Variants in BRINP1 observed in about 807,000 individuals in gnomAD.
BRINP1 encodes the protein BMP/retinoic acid inducible neural specific 1, also known as BMP/retinoic acid-inducible neural-specific protein 1.
A neutral mutation model predicts 72.9 loss-of-function variants in BRINP1; 17 were observed. The ratio of observed to expected loss-of-function variants is 0.23; its 90% CI spans 0.16 to 0.35. The LOEUF (loss-of-function observed/expected upper bound fraction) is 0.35. Among genes scored for constraint, BRINP1 ranks in the 10% least tolerant of loss-of-function variants. The pLI is 1.00. For synonymous variants in BRINP1, 418 were observed against 378.5 expected (o/e 1.10, Z -1.21); for missense variants, 850 against 1,001.6 (o/e 0.85, Z 2.04).
chr9:119,171,725 G>T (rs1477169089), intron 7 of BRINP1, among the ~76,000 whole-genome samples: 6 of 112,860 alleles, frequency 5.3e-5, no homozygotes, highest in Admixed American at 2.8e-4. Flanking sequence ...TGACCACATA[G>T]TTGGAAGTAA....
intron 7 of BRINP1, among the ~76,000 whole-genome samples, chr9:119,175,630 T>C (rs929181174): frequency 1.3e-5 from 2 of 152,142 alleles, no homozygotes; most frequent in African/African-American, 4.8e-5. Context: ...CTCAACACTA[T>C]AAATGATACC....
intron 7 of BRINP1, among the ~76,000 whole-genome samples, chr9:119,178,922 G>C (rs1028004492): frequency 6.6e-6 from 1 of 152,324 alleles, no homozygotes; most frequent in Admixed American, 6.5e-5. Flanking sequence ...CTGAAAGTTT[G>C]AGCCTGTGAA....
chr9:119,168,295 G>A, intron 7 of BRINP1, 71 bp from the exon 8 acceptor site: 1 of 1,271,556 alleles, frequency 7.9e-7, no homozygotes, highest in South Asian at 1.7e-5. Flanking sequence ...TTATCCAACT[G>A]ATAATGCGAA....
At position 119,256,586 on chromosome 9, in the gene BRINP1, G is replaced by A. The variant is rs560036738; in HGVS notation, c.219-7436C>T. Among the ~76,000 whole-genome samples the A allele has an allele frequency of 2.6e-5, 4 of 152,292 alleles. No individual in the cohort carries two copies. In the South Asian group the frequency reaches 6.2e-4, roughly 24 times the overall value. On this transcript the variant is annotated intron_variant, in intron 2 of 7. Transcript: ENST00000265922. ...ACAACTTCTTTATACAGTGCAACACGGTATGAACAATTGTTAGCTGCTGTT... is the reference window on the plus strand; with the variant it reads ...ACAACTTCTTTATACAGTGCAACACAGTATGAACAATTGTTAGCTGCTGTT...
At chr9:119,211,998 TTTTG>T (rs1355594300) in intron 6 of BRINP1, among the ~76,000 whole-genome samples, 1 of 152,184 alleles carries the variant, frequency 6.6e-6, no homozygotes, top group Non-Finnish European at 1.5e-5. Context: ...TCTGTTTTTT[TTTTG>T]TTTGTTTTTG....
chr9:119,351,846 T>G (rs1831511013), intron 1 of BRINP1, among the ~76,000 whole-genome samples: 1 of 151,964 alleles, frequency 6.6e-6, no homozygotes, highest in African/African-American at 2.4e-5. Context: ...GGACAGAGTC[T>G]CACTTCATCA....
intron 1 of BRINP1, among the ~76,000 whole-genome samples, chr9:119,350,408 C>T (rs181219895): frequency 1.3e-5 from 2 of 152,242 alleles, no homozygotes; most frequent in Admixed American, 6.5e-5. Context: ...GTCAGTAACA[C>T]GGATGAATTT....
chr9:119,198,039 G>A (rs1302688709), intron 7 of BRINP1, among the ~76,000 whole-genome samples: 1 of 152,130 alleles, frequency 6.6e-6, no homozygotes, highest in Non-Finnish European at 1.5e-5. Context: ...AATAAACCGA[G>A]GTTTGAAATG....
intron 2 of BRINP1, among the ~76,000 whole-genome samples, chr9:119,253,800 A>G (rs1830418127): frequency 1.3e-5 from 2 of 152,118 alleles, no homozygotes; most frequent in Non-Finnish European, 2.9e-5. Flanking sequence ...CATAAATGAT[A>G]AGAGCTAAAG....
intron 5 of BRINP1, among the ~76,000 whole-genome samples, chr9:119,224,679 G>A (rs1339667500): frequency 1.3e-5 from 2 of 151,996 alleles, no homozygotes; most frequent in South Asian, 2.1e-4. Context: ...TAGGCTAAAG[G>A]TGCAGCCTTT....
intron 1 of BRINP1, among the ~76,000 whole-genome samples, chr9:119,323,419 A>C (rs988506600): frequency 2.0e-5 from 3 of 152,228 alleles, no homozygotes; most frequent in Non-Finnish European, 4.4e-5. Flanking sequence ...GGCCACCTAC[A>C]AGGGAAAACT....
At chr9:119,301,604 CA>C (rs1216537248) in intron 2 of BRINP1, among the ~76,000 whole-genome samples, 2 of 152,080 alleles carry the variant, frequency 1.3e-5, no homozygotes, top group African/African-American at 4.8e-5. Flanking sequence ...CTCTTGATCG[CA>C]GTGGTGGTTA....
At position 119,271,037 on chromosome 9, in the gene BRINP1, G is replaced by A. The variant is rs1394903149; in HGVS notation, c.219-21887C>T. ...AAGGTTTTTGGTTGCAAAATAAAGA[G>A]GGAAATGGGAGTACACAGTTGTAGT... On this transcript the variant is annotated intron_variant, in intron 2 of 7. Coordinates refer to ENST00000265922, the MANE Select transcript of BRINP1 (RefSeq NM_014618.3). 2.0e-5 allele frequency among the ~76,000 whole-genome samples: 3 copies of A among 152,100 alleles called. No homozygotes were observed. In the East Asian group the frequency reaches 5.8e-4, roughly 29 times the overall value.
At chr9:119,301,958 C>T (rs984013951) in intron 2 of BRINP1, among the ~76,000 whole-genome samples, 12 of 152,188 alleles carry the variant, frequency 7.9e-5, no homozygotes, top group Non-Finnish European at 1.6e-4. Flanking sequence ...CAGAAGTGAT[C>T]TTTGTAAGAT....
chr9:119,245,019 C>T (rs1830299561), intron 3 of BRINP1, among the ~76,000 whole-genome samples: 1 of 152,188 alleles, frequency 6.6e-6, no homozygotes, highest in Admixed American at 6.5e-5. Context: ...CATAACTCTT[C>T]CTTTCCTTCT....
At chr9:119,275,760 T>G (rs1452791702) in intron 2 of BRINP1, among the ~76,000 whole-genome samples, 2 of 152,208 alleles carry the variant, frequency 1.3e-5, no homozygotes, top group Non-Finnish European at 2.9e-5. Context: ...TGGTAGCTAT[T>G]ATCTTCAAGA....
chr9:119,230,459 G>A (rs1830137702), intron 5 of BRINP1, among the ~76,000 whole-genome samples: 1 of 151,996 alleles, frequency 6.6e-6, no homozygotes, highest in Non-Finnish European at 1.5e-5. Flanking sequence ...ACTGATCTGG[G>A]GAAGGGAGAG....
chr9:119,344,673 T>C (rs1406266386), intron 1 of BRINP1, among the ~76,000 whole-genome samples: 1 of 152,180 alleles, frequency 6.6e-6, no homozygotes, highest in East Asian at 1.9e-4. Context: ...AGTGCTGAGG[T>C]TATGAACCTA....
At chr9:119,272,091 CAAAA>C (rs59092561) in intron 2 of BRINP1, among the ~76,000 whole-genome samples, 7 of 119,476 alleles carry the variant, frequency 5.9e-5, no homozygotes, top group African/African-American at 5.9e-5. Flanking sequence ...TTTTTTGAGA[CAAAA>C]AAAAAAAAAA....
Sources: allele counts gnomAD v4.1 joint callset (sites outside exome capture counted in the v4.1 genomes callset), GRCh38; gene constraint gnomAD v4.1.1; transcripts MANE v1.5; gene names NCBI Gene and HGNC (gene_info 2026-07-23, HGNC 2026-07-21).